The following ADAM22 variants were observed in gnomAD, a reference collection of about 807,000 sequenced individuals.
ADAM22 encodes the protein disintegrin and metalloproteinase domain-containing protein 22.
ADAM22 carries 65 observed loss-of-function variants against 144.6 expected under a neutral mutation model. That is an observed-to-expected ratio of 0.45 (90% CI 0.37 to 0.55). The LOEUF (loss-of-function observed/expected upper bound fraction) is 0.55. Ranked by LOEUF, ADAM22 falls within the 20% of genes least tolerant of loss-of-function variation. ADAM22 has a pLI of 0.00. For missense variants in ADAM22, 974 were observed against 1,184.9 expected, an observed-to-expected ratio of 0.82 and a Z score of 2.61; for synonymous variants, 391 against 412.6, an observed-to-expected ratio of 0.95 and a Z score of 0.63.
intron 3 of ADAM22, among the ~76,000 whole-genome samples, chr7:88,075,193 T>G (rs907539398): frequency 6.6e-6 from 1 of 152,214 alleles, no homozygotes; most frequent in African/African-American, 2.4e-5. Flanking sequence ...CTTTTTTTAT[T>G]TTGTGATGAA....
chr7:88,012,938 G>A (rs1563022325), intron 3 of ADAM22, among the ~76,000 whole-genome samples: 1 of 152,188 alleles, frequency 6.6e-6, no homozygotes, highest in Non-Finnish European at 1.5e-5. Flanking sequence ...TGTATTTCAT[G>A]TAATTCATAT....
intron 2 of ADAM22, among the ~76,000 whole-genome samples, chr7:87,961,040 A>G (rs1255515017): frequency 6.6e-6 from 1 of 152,184 alleles, no homozygotes; most frequent in Non-Finnish European, 1.5e-5. Flanking sequence ...CAAAGGTGAT[A>G]AGTACTATGG....
intron 3 of ADAM22, among the ~76,000 whole-genome samples, chr7:87,999,609 C>T (rs1263456511): frequency 1.3e-5 from 2 of 152,158 alleles, no homozygotes; most frequent in African/African-American, 4.8e-5. Context: ...TACAGATTTA[C>T]AAGTACCTTT....
intron 4 of ADAM22, among the ~76,000 whole-genome samples, chr7:88,079,458 C>G (rs1773864719): frequency 2.0e-5 from 3 of 152,162 alleles, no homozygotes; most frequent in Non-Finnish European, 1.5e-5. Context: ...AAATAACCAG[C>G]TAACATCATA....
chr7:88,114,595 A>C lies in ADAM22; in HGVS notation c.485A>C (p.Tyr162Ser). 1.9e-6 allele frequency: 3 copies of C among 1,613,962 alleles called. No homozygotes were observed. The highest frequency in any genetic ancestry group is 2.5e-6 in the Non-Finnish European group (3 of 1,179,870). Residue 162 changes from tyrosine to serine, a missense_variant, in exon 6 of 32, where the codon TAT (tyrosine) becomes TCT (serine). By Grantham distance (144) the Tyr-to-Ser change is moderately radical. This residue lies in a region of ADAM22 where 240 missense variants were observed against 234.3 expected (regional missense o/e 1.02). Transcript: ENST00000413139. ...STCHGLHGMF[Y>S]DGNHTYLIEP... ...TTTGTCGTTGGCAGTGGGATGTTCT[A>C]TGACGGGAACCACACATATCTCATT...
chr7:88,095,571 A>T (rs1341649713), intron 4 of ADAM22, among the ~76,000 whole-genome samples: 1 of 152,172 alleles, frequency 6.6e-6, no homozygotes, highest in African/African-American at 2.4e-5. Flanking sequence ...CGCATCCTCC[A>T]CACAGAGGCT....
intron 22 of ADAM22, among the ~76,000 whole-genome samples, chr7:88,161,123 T>TA (rs1396810623): frequency 1.4e-5 from 2 of 145,116 alleles, no homozygotes; most frequent in African/African-American, 2.6e-5. Flanking sequence ...ATAATAATAA[T>TA]AAAAAACCAA....
intron 4 of ADAM22, among the ~76,000 whole-genome samples, chr7:88,087,567 C>T (rs143931372): frequency 6.6e-6 from 1 of 151,300 alleles, no homozygotes; most frequent in Non-Finnish European, 1.5e-5. Context: ...AACAGATTTT[C>T]TTGTGGCCAA....
chr7:88,051,568 G>T (rs566589262), intron 3 of ADAM22, among the ~76,000 whole-genome samples: 16 of 152,148 alleles, frequency 1.1e-4, no homozygotes, highest in Admixed American at 2.0e-4. Context: ...GGGGGAGGAG[G>T]GAGGGATAGC....
At chr7:88,125,318 T>C (rs1830144023) in intron 7 of ADAM22, among the ~76,000 whole-genome samples, 1 of 152,026 alleles carries the variant, frequency 6.6e-6, no homozygotes, top group Non-Finnish European at 1.5e-5. Context: ...AGATTTCCAG[T>C]AAATAAAGTA....
chr7:88,009,299 G>T (rs909171264), intron 3 of ADAM22, among the ~76,000 whole-genome samples: 1 of 152,082 alleles, frequency 6.6e-6, no homozygotes, highest in African/African-American at 2.4e-5. Flanking sequence ...AAATTTTCTG[G>T]TATGCTCGTA....
At chr7:87,957,611 G>A (rs550635937) in intron 2 of ADAM22, among the ~76,000 whole-genome samples, 22 of 151,560 alleles carry the variant, frequency 1.5e-4, no homozygotes, top group East Asian at 3.9e-4. Context: ...ATGGAGTTTC[G>A]CTCTTGTTGC....
intron 19 of ADAM22, 36 bp from the exon 20 acceptor site, chr7:88,151,221 T>C (rs780561974): frequency 6.8e-6 from 11 of 1,611,818 alleles, no homozygotes; most frequent in African/African-American, 6.7e-5. Flanking sequence ...TAAGCAGATA[T>C]TGCATCGCTA....
intron 26 of ADAM22, among the ~76,000 whole-genome samples, chr7:88,172,709 T>C (rs538960106): frequency 2.6e-4 from 39 of 152,016 alleles, no homozygotes; most frequent in African/African-American, 9.4e-4. Context: ...CAACAGAAAA[T>C]ATTGACCTTT....
chr7:87,943,489 A>G (rs546907643), intron 2 of ADAM22, among the ~76,000 whole-genome samples: 1 of 152,174 alleles, frequency 6.6e-6, no homozygotes. Context: ...GCTAACTTGC[A>G]GTTATTTTAC....
At position 88,008,290 on chromosome 7, in the gene ADAM22, A is replaced by C. The variant is rs568469300; in HGVS notation, c.323+29878A>C. 7.0e-3 allele frequency among the ~76,000 whole-genome samples: 1,059 copies of C among 151,426 alleles called. 12 individuals carry two copies. The highest frequency in any genetic ancestry group is 0.025 in the African/African-American group (1,013 of 41,180). On this transcript the variant is annotated intron_variant, in intron 3 of 31. Coordinates refer to ENST00000413139, the MANE Select transcript of ADAM22 (RefSeq NM_001324418.2). ...GATGTGGAGAAATAAGAACACTTTT[A>C]CACTGTTGGTGGGACTGTAAACTAG...
intron 3 of ADAM22, among the ~76,000 whole-genome samples, chr7:88,027,156 C>T (rs947750201): frequency 3.3e-5 from 5 of 152,018 alleles, no homozygotes; most frequent in Non-Finnish European, 5.9e-5. Flanking sequence ...GGAATTCTGC[C>T]TCAATGTTCA....
chr7:87,949,619 G>T (rs1485829225), intron 2 of ADAM22, among the ~76,000 whole-genome samples: 1 of 152,028 alleles, frequency 6.6e-6, no homozygotes, highest in African/African-American at 2.4e-5. Flanking sequence ...GGCATATTCA[G>T]CCAAGGATTT....
chr7:87,977,338 A>C (rs902807745), intron 2 of ADAM22, among the ~76,000 whole-genome samples: 6 of 152,200 alleles, frequency 3.9e-5, no homozygotes, highest in African/African-American at 1.4e-4. Flanking sequence ...ACAGAATCCT[A>C]AGATGTCCGT....
Sources: allele counts gnomAD v4.1 joint callset (sites outside exome capture counted in the v4.1 genomes callset), GRCh38; gene constraint gnomAD v4.1.1; regional missense constraint gnomAD v4.1.1; transcripts MANE v1.5; gene names NCBI Gene and HGNC (gene_info 2026-07-23, HGNC 2026-07-21).